Variants in MIPOL1 observed in about 807,000 individuals in gnomAD.
The protein encoded by MIPOL1 is mirror-image polydactyly 1, also known as mirror-image polydactyly gene 1 protein.
In MIPOL1, 57 loss-of-function variants were observed where a neutral mutation model predicts 60.9. The ratio of observed to expected loss-of-function variants is 0.94; its 90% CI spans 0.76 to 1.17. The LOEUF (loss-of-function observed/expected upper bound fraction) is 1.17. Ranked by LOEUF, MIPOL1 falls within the 50% of genes most tolerant of loss-of-function variation. The pLI, the probability that MIPOL1 is intolerant of heterozygous loss-of-function variation, is 0.00. For missense variants in MIPOL1, 551 were observed against 511.6 expected (o/e 1.08, Z -0.74); for synonymous variants, 179 against 168.8 (o/e 1.06, Z -0.47).
chr14:37,259,478 G>A (rs1352590182), intron 3 of MIPOL1, among the ~76,000 whole-genome samples: 1 of 151,926 alleles, frequency 6.6e-6, no homozygotes, highest in Non-Finnish European at 1.5e-5. Flanking sequence ...GAAGCTAGAG[G>A]ATCGCCAGAG....
chr14:37,286,343 G>A (rs911378487), intron 7 of MIPOL1, among the ~76,000 whole-genome samples: 2 of 152,286 alleles, frequency 1.3e-5, no homozygotes, highest in East Asian at 3.9e-4. Context: ...GACCACTTGG[G>A]AGATCTTGTC....
At chr14:37,317,370 G>T (rs2088024902) in intron 9 of MIPOL1, among the ~76,000 whole-genome samples, 1 of 152,154 alleles carries the variant, frequency 6.6e-6, no homozygotes, top group Admixed American at 6.6e-5. Flanking sequence ...AAGAATTAGG[G>T]TAGTTAAATT....
chr14:37,307,132 C>G (rs978053549), intron 7 of MIPOL1, among the ~76,000 whole-genome samples: 2 of 151,654 alleles, frequency 1.3e-5, no homozygotes, highest in African/African-American at 2.4e-5. Context: ...TGGCTAGTAT[C>G]CTATTTTATG....
intron 11 of MIPOL1, among the ~76,000 whole-genome samples, chr14:37,486,710 G>C (rs2094951942): frequency 6.6e-6 from 1 of 152,158 alleles, no homozygotes; most frequent in Admixed American, 6.5e-5. Context: ...TTGCTTATCA[G>C]CTTAAGGAGG....
intron 7 of MIPOL1, among the ~76,000 whole-genome samples, chr14:37,298,396 G>T (rs189986034): frequency 6.6e-6 from 1 of 152,124 alleles, no homozygotes; most frequent in African/African-American, 2.4e-5. Context: ...CCTGGGCAAG[G>T]ACTTCATGTT....
At position 37,285,896 on chromosome 14, in the gene MIPOL1, C is replaced by T. The variant is rs1284853709; in HGVS notation, c.623+449C>T. ...CATGAGCCACCGCGCCCGGCCTCTC[C>T]AGTCTTTTTCTAAAACCTTTGGCAT... On this transcript the variant is annotated intron_variant, in intron 7 of 12. Coordinates refer to ENST00000684589, the MANE Select transcript of MIPOL1 (RefSeq NM_001388067.1). Among the ~76,000 whole-genome samples, 21 of 152,096 alleles carry T rather than the reference C, an allele frequency of 1.4e-4. 1 individual carries two copies. The highest frequency in any genetic ancestry group is 1.4e-3 in the Admixed American group (21 of 15,268).
chr14:37,252,747 A>T (rs917579254), intron 3 of MIPOL1, among the ~76,000 whole-genome samples: 1 of 151,976 alleles, frequency 6.6e-6, no homozygotes, highest in Non-Finnish European at 1.5e-5. Flanking sequence ...AACTAAAACT[A>T]TTCCATGATT....
At chr14:37,526,531 G>A (rs1415510829) in intron 12 of MIPOL1, among the ~76,000 whole-genome samples, 1 of 149,066 alleles carries the variant, frequency 6.7e-6, no homozygotes, top group Non-Finnish European at 1.5e-5. Flanking sequence ...CACCACACCT[G>A]GCTAATTTTT....
At chr14:37,428,729 TG>T (rs2094010311) in intron 11 of MIPOL1, among the ~76,000 whole-genome samples, 1 of 151,260 alleles carries the variant, frequency 6.6e-6, no homozygotes, top group South Asian at 2.1e-4. Context: ...TTCCCTTGTA[TG>T]GAAATAAGGA....
chr14:37,375,250 C>A (rs2092743525), intron 10 of MIPOL1, among the ~76,000 whole-genome samples: 1 of 151,984 alleles, frequency 6.6e-6, no homozygotes, highest in South Asian at 2.1e-4. Context: ...ACTGTGTCAC[C>A]TAGGCTGGAG....
chr14:37,283,183 A>G (rs1352828509), intron 6 of MIPOL1, among the ~76,000 whole-genome samples: 1 of 152,108 alleles, frequency 6.6e-6, no homozygotes, highest in Admixed American at 6.5e-5. Context: ...CTCCTGCCTC[A>G]GCCTCCTCAG....
In MIPOL1 at chr14:37,294,678, C is replaced by T. The variant is rs545403438; in HGVS notation, c.623+9231C>T. ...TGATGAATGCACAAGCCTCAGTAACCGATGCGATCAACTGGAAGAAAGGGT... is the reference window on the plus strand; with the variant it reads ...TGATGAATGCACAAGCCTCAGTAACTGATGCGATCAACTGGAAGAAAGGGT... On this transcript the variant is annotated intron_variant, in intron 7 of 12. Transcript: ENST00000684589. Among the ~76,000 whole-genome samples the T allele has an allele frequency of 2.8e-4, 42 of 152,006 alleles. No individual in the cohort carries two copies. The South Asian group carries it at 7.5e-3, about 27-fold the overall frequency.
At chr14:37,217,783 A>G (rs1176285619) in intron 1 of MIPOL1, among the ~76,000 whole-genome samples, 1 of 152,238 alleles carries the variant, frequency 6.6e-6, no homozygotes, top group African/African-American at 2.4e-5. Flanking sequence ...AGTTAATATC[A>G]TACTGAATGG....
At chr14:37,316,080 G>A (rs1468123283) in intron 9 of MIPOL1, among the ~76,000 whole-genome samples, 2 of 150,580 alleles carry the variant, frequency 1.3e-5, no homozygotes, top group East Asian at 3.9e-4. Context: ...AAGCTGGCAT[G>A]CAGTGGCGTG....
rs1386552638 is a variant in MIPOL1, at chr14:37,270,627, GAGGGGAA to G, written c.493+103_493+109del. ...TAGCATACTGGCTTATTTGCCAAAG[GAGGGGAA>G]GCTCTCCTTTTTTTTTTTTTTTTTT... On this transcript the variant is annotated intron_variant, in intron 6 of 12. Coordinates refer to ENST00000684589, the MANE Select transcript of MIPOL1 (RefSeq NM_001388067.1). 2.6e-5 allele frequency: 13 copies of G among 491,838 alleles called. No individual in the cohort carries two copies. In the East Asian group the frequency reaches 5.1e-4, roughly 19 times the overall value. The allele number at this position is 491,838 out of a possible 1,614,324, so 30.5% of individuals were successfully genotyped here. A position where few individuals can be genotyped will look rare whatever the true frequency, so the allele number is the denominator to read the frequency against.
At chr14:37,298,759 C>T (rs1468530298) in intron 7 of MIPOL1, among the ~76,000 whole-genome samples, 1 of 151,854 alleles carries the variant, frequency 6.6e-6, no homozygotes, top group East Asian at 1.9e-4. Flanking sequence ...TACCATCTCA[C>T]ACCAGTTAGA....
chr14:37,348,802 T>C (rs7155654), intron 9 of MIPOL1, among the ~76,000 whole-genome samples: 10,941 of 146,952 alleles, frequency 0.074, 1,373 homozygotes, highest in African/African-American at 0.26. Context: ...TTCCCTTCCC[T>C]TAGTCTATTC....
intron 12 of MIPOL1, among the ~76,000 whole-genome samples, chr14:37,510,507 G>T (rs1322076711): frequency 6.6e-6 from 1 of 152,096 alleles, no homozygotes; most frequent in Admixed American, 6.6e-5. Flanking sequence ...AAAGTACTGG[G>T]ATTACAGGTG....
chr14:37,209,652 T>C (rs559228816), intron 1 of MIPOL1, among the ~76,000 whole-genome samples: 1 of 152,022 alleles, frequency 6.6e-6, no homozygotes, highest in Non-Finnish European at 1.5e-5. Context: ...AGAGCAAGAC[T>C]CCATCTCAAA....
Sources: allele counts gnomAD v4.1 joint callset (sites outside exome capture counted in the v4.1 genomes callset), GRCh38; gene constraint gnomAD v4.1.1; transcripts MANE v1.5; gene names NCBI Gene and HGNC (gene_info 2026-07-23, HGNC 2026-07-21).